TFB1M: variants seen among roughly 807,000 people sequenced by gnomAD.
The protein encoded by TFB1M is dimethyladenosine transferase 1, mitochondrial.
Under a neutral mutation model 31.1 loss-of-function variants are expected in TFB1M, and 27 were observed. The observed-to-expected ratio is 0.87, with a 90% confidence interval of 0.64 to 1.20. The LOEUF is 1.20. TFB1M is among the 50% of genes most tolerant of loss of function. TFB1M has a pLI of 0.00. For missense variants in TFB1M, 394 were observed against 418.7 expected (o/e 0.94, Z 0.51); for synonymous variants, 166 against 151.8 (o/e 1.09, Z -0.69).
chr6:155,239,797 T>C, the TFB1M span, among the ~76,000 whole-genome samples: 2 of 152,192 alleles, frequency 1.3e-5, no homozygotes, highest in African/African-American at 4.8e-5. Flanking sequence ...AGAGGTTTCC[T>C]CTGGGGCTGG....
At position 155,282,802 on chromosome 6, in the gene TFB1M, G is replaced by A. The variant is rs542610625; in HGVS notation, c.666+2356C>T. On this transcript the variant is annotated intron_variant, in intron 5 of 6. Coordinates refer to ENST00000367166, the MANE Select transcript of TFB1M (RefSeq NM_016020.4). ...GAGTGCAGTGGTGCCATCTCGCCTC[G>A]CTGCAAGCTCCGCCTCCCGGGTTCA... Among the ~76,000 whole-genome samples the A allele has an allele frequency of 1.1e-3, 167 of 150,916 alleles. 1 individual carries two copies. The highest frequency in any genetic ancestry group is 3.9e-3 in the African/African-American group (162 of 41,030).
Position 155,305,308 on chromosome 6 carries a change from A to G in TFB1M, c.285+5880T>C, listed in dbSNP as rs1425991329. On this transcript the variant is annotated intron_variant, in intron 2 of 6. Coordinates refer to ENST00000367166, the MANE Select transcript of TFB1M (RefSeq NM_016020.4). ...TTAAATTATATATTTATATATATAA[A>G]CATATATTAAATTATATATTTATAT... Among the ~76,000 whole-genome samples the G allele has an allele frequency of 6.0e-5, 2 of 33,108 alleles. 1 individual carries two copies. The highest frequency in any genetic ancestry group is 9.2e-5 in the Non-Finnish European group (2 of 21,834). The allele number at this position is 33,108 out of a possible 152,430, so 21.7% of individuals were successfully genotyped here. A position where few individuals can be genotyped will look rare whatever the true frequency, so the allele number is the denominator to read the frequency against.
chr6:155,230,606 AT>A, the TFB1M span, among the ~76,000 whole-genome samples: 6 of 152,036 alleles, frequency 3.9e-5, no homozygotes, highest in South Asian at 2.1e-4. Flanking sequence ...GCCTCAAATA[AT>A]TTTTTTTAAG....
At chr6:155,280,349 C>T (rs189124330) in intron 5 of TFB1M, among the ~76,000 whole-genome samples, 176 of 152,272 alleles carry the variant, frequency 1.2e-3, no homozygotes, top group African/African-American at 4.1e-3. Context: ...GTGACTGCCC[C>T]ACTGCTCCCT....
At chr6:155,287,746 A>G (rs1438397680) in intron 4 of TFB1M, among the ~76,000 whole-genome samples, 1 of 152,212 alleles carries the variant, frequency 6.6e-6, no homozygotes, top group African/African-American at 2.4e-5. Context: ...AAAATATGGC[A>G]ATATATTAAA....
intron 2 of TFB1M, among the ~76,000 whole-genome samples, chr6:155,307,379 G>A (rs1777827991): frequency 6.6e-6 from 1 of 152,104 alleles, no homozygotes; most frequent in African/African-American, 2.4e-5. Flanking sequence ...AATCATGACG[G>A]AAGGCAAGTA....
At chr6:155,244,167 T>C in the TFB1M span, 1 of 1,268,526 alleles carries the variant, frequency 7.9e-7, no homozygotes, top group South Asian at 1.2e-5. Flanking sequence ...AGTATCTCTG[T>C]TGATCCCAAA....
chr6:155,275,605 T>C lies in TFB1M; in HGVS notation c.666+9553A>G, dbSNP rs1785152476. ...CTTTCGCTCAATCCTGGTTTTGCCT[T>C]TTTTCCTTAGGCTTTGTTATTTGGT... On this transcript the variant is annotated intron_variant, in intron 5 of 6. Transcript: ENST00000367166. 14 of 1,141,852 alleles carry C rather than the reference T, an allele frequency of 1.2e-5. No individual in the cohort carries two copies. The South Asian group carries it at 2.2e-4, about 18-fold the overall frequency. The allele number at this position is 1,141,852 out of a possible 1,614,324, so 70.7% of individuals were successfully genotyped here. A position where few individuals can be genotyped will look rare whatever the true frequency, so the allele number is the denominator to read the frequency against.
At position 155,257,922 on chromosome 6, in the gene TFB1M, C is replaced by CAAAG. The variant is rs1332959118; in HGVS notation, c.951_954dup (p.Ala319LeufsTer4). On this transcript the variant is annotated frameshift_variant, in exon 7 of 7. Coordinates refer to ENST00000367166, the MANE Select transcript of TFB1M (RefSeq NM_016020.4). LOFTEE classifies it low-confidence loss of function (END_TRUNC). ...TTGAGTTCTTCTCTGAAATTATATG[C>CAAAG]AAAGAGTTGTGGGTCTTCATCACAC... 6.2e-6 allele frequency: 10 copies of CAAAG among 1,613,992 alleles called. No homozygotes were observed. In the African/African-American group the frequency reaches 6.7e-5, roughly 11 times the overall value.
In TFB1M at chr6:155,256,443, C is replaced by CTGTT; in HGVS notation, c.*1389_*1392dup. On this transcript the variant is annotated 3_prime_UTR_variant, in exon 7 of 7. Coordinates refer to ENST00000367166, the MANE Select transcript of TFB1M (RefSeq NM_016020.4). ...AGGCAAACATTACACATTGTGTAACCTGTTTCTGTATCACAGCGAAATGTG... is the reference window on the plus strand; with the variant it reads ...AGGCAAACATTACACATTGTGTAACCTGTTTGTTTCTGTATCACAGCGAAATGTG... 6.2e-7 allele frequency: 1 copy of CTGTT among 1,613,278 alleles called. No homozygotes were observed. The highest frequency in any genetic ancestry group is 8.5e-7 in the Non-Finnish European group (1 of 1,179,850).
At chr6:155,244,147 C>G in the TFB1M span, 2 of 1,399,628 alleles carry the variant, frequency 1.4e-6, no homozygotes, top group Non-Finnish European at 2.0e-6. Flanking sequence ...TTTAGCAGAA[C>G]TCCTATGAGA....
chr6:155,286,396 A>C (rs1199618929), intron 4 of TFB1M, among the ~76,000 whole-genome samples: 4 of 151,588 alleles, frequency 2.6e-5, no homozygotes, highest in Non-Finnish European at 5.9e-5. Context: ...GTATATATGT[A>C]TGTATATACA....
At chr6:155,275,222 T>A (rs778508619) in intron 5 of TFB1M, among the ~76,000 whole-genome samples, 1 of 151,952 alleles carries the variant, frequency 6.6e-6, no homozygotes, top group Non-Finnish European at 1.5e-5. Flanking sequence ...TGAGACTCCA[T>A]CTCAAAAAAA....
intron 6 of TFB1M, among the ~76,000 whole-genome samples, 167 bp from the exon 7 acceptor site, chr6:155,258,249 C>T (rs141337640): frequency 0.011 from 1,676 of 152,252 alleles, 13 homozygotes; most frequent in Non-Finnish European, 0.018. Context: ...ATAAGAGGCA[C>T]GGCCCGCCAC....
chr6:155,288,698 G>GA lies in TFB1M; in HGVS notation c.547-3422dup, dbSNP rs1487687588. Among the ~76,000 whole-genome samples the GA allele has an allele frequency of 1.6e-3, 245 of 152,282 alleles. 4 individuals are homozygous for GA. Among genetic ancestry groups the GA allele is most frequent in the Non-Finnish European group, 1.8e-4 (12 of 68,016 alleles). On this transcript the variant is annotated intron_variant, in intron 4 of 6. Transcript: ENST00000367166. ...GCATATATCCCCAGGCTGTAGAGAT[G>GA]AAAACATGCGAATCATATATTTCAA...
At chr6:155,245,545 A>G in the TFB1M span, 15 of 1,178,998 alleles carry the variant, frequency 1.3e-5, no homozygotes, top group Non-Finnish European at 1.5e-5. Flanking sequence ...GACAGAAGCC[A>G]TGGGGCCGTC....
chr6:155,257,338 T>C lies in TFB1M; in HGVS notation c.*498A>G. 1 of 560,628 alleles carries C rather than the reference T, an allele frequency of 1.8e-6. No homozygotes were observed. Among genetic ancestry groups the C allele is most frequent in the African/African-American group, 1.9e-5 (1 of 53,066 alleles). The allele number at this position is 560,628 out of a possible 1,614,324, so 34.7% of individuals were successfully genotyped here. A position where few individuals can be genotyped will look rare whatever the true frequency, so the allele number is the denominator to read the frequency against. On this transcript the variant is annotated 3_prime_UTR_variant, in exon 7 of 7. Coordinates refer to ENST00000367166, the MANE Select transcript of TFB1M (RefSeq NM_016020.4). Reference sequence around the variant, plus strand: ...TGGTCAGAATCTGTAAATTACTTAGTTTATATCCACTTTGAGCAGGTATCA... The same window carrying C: ...TGGTCAGAATCTGTAAATTACTTAGCTTATATCCACTTTGAGCAGGTATCA...
At chr6:155,253,164 A>C, downstream of TFB1M, 1 of 891,336 alleles carries the variant, frequency 1.1e-6, no homozygotes, top group Non-Finnish European at 1.7e-6. Context: ...TTTATTTTAT[A>C]GACAAGGAAA....
chr6:155,314,229 A>T, intron 1 of TFB1M, 67 bp downstream of exon 1: 1 of 1,593,714 alleles, frequency 6.3e-7, no homozygotes, highest in Non-Finnish European at 8.5e-7. Flanking sequence ...GGGACGTGCA[A>T]GACCCCCCGG....
Sources: gnomAD v4.1 joint callset for allele counts (sites outside exome capture counted in the v4.1 genomes callset) on GRCh38, gnomAD v4.1.1 for gene constraint, MANE v1.5 for transcripts, NCBI Gene and HGNC (gene_info 2026-07-23, HGNC 2026-07-21) for gene names.